The following WDTC1 variants were observed in gnomAD, a reference collection of about 807,000 sequenced individuals.
WDTC1 encodes the protein WD and tetratricopeptide repeats 1, also known as WD and tetratricopeptide repeats protein 1.
Under a neutral mutation model 76.0 loss-of-function variants are expected in WDTC1, and 12 were observed. The observed-to-expected ratio is 0.16, with a 90% CI of 0.10 to 0.26. The LOEUF (loss-of-function observed/expected upper bound fraction) is 0.26. Among genes scored for constraint, WDTC1 ranks in the 10% least tolerant of loss-of-function variants. The pLI is 1.00. For missense variants in WDTC1, 511 were observed against 908.8 expected (o/e 0.56, Z 5.63); for synonymous variants, 326 against 350.8 (o/e 0.93, Z 0.79).
intron 1 of WDTC1, among the ~76,000 whole-genome samples, chr1:27,243,783 T>C (rs1006548884): frequency 2.0e-5 from 3 of 152,072 alleles, no homozygotes; most frequent in Non-Finnish European, 1.5e-5. Context: ...CTGTTCCTCC[T>C]CACCCTGCAG....
intron 1 of WDTC1, among the ~76,000 whole-genome samples, chr1:27,253,347 CTTCT>C (rs1209982463): frequency 1.9e-4 from 28 of 150,682 alleles, no homozygotes; most frequent in Admixed American, 1.7e-3. Context: ...CTTCTTCTTT[CTTCT>C]TTCTTCTTTC....
intron 7 of WDTC1, among the ~76,000 whole-genome samples, chr1:27,293,405 C>G (rs2013592910): frequency 7.0e-6 from 1 of 142,602 alleles, no homozygotes; most frequent in Admixed American, 7.2e-5. Flanking sequence ...GCACTCCAGC[C>G]TGGGTGGCAG....
Position 27,274,602 on chromosome 1 carries a change from C to T in WDTC1, c.133-7637C>T, listed in dbSNP as rs1162979222. On this transcript the variant is annotated intron_variant, in intron 3 of 15. Coordinates refer to ENST00000319394, the MANE Select transcript of WDTC1 (RefSeq NM_001276252.2). The surrounding 1 kb of genome is among the most constrained non-coding windows in gnomAD (Gnocchi z 4.2). ...TTTAAGCCGTTCTAGTATATAAGAC[C>T]CAATCAGTTTTCCACTTTCCTTGGA... Among the ~76,000 whole-genome samples the T allele has an allele frequency of 6.6e-6, 1 of 151,930 alleles. No homozygotes were observed. Among genetic ancestry groups the T allele is most frequent in the East Asian group, 1.9e-4 (1 of 5,190 alleles).
intron 2 of WDTC1, among the ~76,000 whole-genome samples, chr1:27,262,946 G>A (rs2012530499): frequency 1.3e-5 from 2 of 151,162 alleles, no homozygotes; most frequent in Admixed American, 6.6e-5. Context: ...AAAAATGAAC[G>A]GCACAACTTA....
intron 3 of WDTC1, among the ~76,000 whole-genome samples, chr1:27,277,825 G>A (rs999678157): frequency 6.6e-6 from 1 of 151,902 alleles, no homozygotes; most frequent in Non-Finnish European, 1.5e-5. Context: ...TTCCATATGA[G>A]CTTTATTTTA....
chr1:27,305,023 G>A lies in WDTC1; in HGVS notation c.1666G>A (p.Gly556Ser). The A allele has an allele frequency of 6.2e-7, 1 of 1,613,928 alleles. No individual in the cohort carries two copies. The highest frequency in any genetic ancestry group is 8.5e-7 in the Non-Finnish European group (1 of 1,179,912). Residue 556 changes from glycine (G) to serine (S), a missense_variant, in exon 15 of 16, where the codon GGC (glycine) becomes AGC (serine). Gly to Ser is a moderately conservative substitution (Grantham distance 56). Coordinates refer to ENST00000319394, the MANE Select transcript of WDTC1 (RefSeq NM_001276252.2). This position sits in a 1 kb window ranked among gnomAD's most constrained non-coding sequence, Gnocchi z 4.6. Reference sequence around the variant, plus strand: ...CAGCAACGCTCAGTATATCGTCAGTGGCTCTGACGATGGCTCCTTCTTCAT... The same window carrying A: ...CAGCAACGCTCAGTATATCGTCAGTAGCTCTGACGATGGCTCCTTCTTCAT... The part of the protein sequence containing the change: ...FGSNAQYIVS[G>S]SDDGSFFIWE...
intron 3 of WDTC1, among the ~76,000 whole-genome samples, chr1:27,273,416 G>A (rs2012930918): frequency 1.3e-5 from 2 of 151,852 alleles, no homozygotes; most frequent in African/African-American, 4.8e-5. Context: ...CACCATGTTA[G>A]CCAGGATGGT....
intron 1 of WDTC1, among the ~76,000 whole-genome samples, chr1:27,240,141 T>G (rs1307042697): frequency 6.6e-6 from 1 of 152,160 alleles, no homozygotes; most frequent in African/African-American, 2.4e-5. Flanking sequence ...TCCACTCACC[T>G]TGGCCCCCCA....
At chr1:27,271,131 T>G (rs2147945712) in intron 3 of WDTC1, among the ~76,000 whole-genome samples, 1 of 152,300 alleles carries the variant, frequency 6.6e-6, no homozygotes, top group South Asian at 2.1e-4. Flanking sequence ...AATTGGTCAC[T>G]CCAGCGGGTG....
At chr1:27,287,958 G>A in intron 6 of WDTC1, 97 bp downstream of exon 6, 1 of 1,426,938 alleles carries the variant, frequency 7.0e-7, no homozygotes, top group South Asian at 1.4e-5. Flanking sequence ...CTCCAGCAGA[G>A]GTCCAACCTC....
intron 1 of WDTC1, among the ~76,000 whole-genome samples, chr1:27,235,380 T>TTCTC (rs1037239020): frequency 1.4e-5 from 2 of 145,986 alleles, no homozygotes; most frequent in African/African-American, 5.1e-5. Context: ...CTTTCTGTTT[T>TTCTC]TCTCTCTCTC....
At chr1:27,236,413 C>T (rs1479671825) in intron 1 of WDTC1, among the ~76,000 whole-genome samples, 1 of 152,156 alleles carries the variant, frequency 6.6e-6, no homozygotes, top group Admixed American at 6.6e-5. Context: ...GCTCTCCTTT[C>T]CTTTTTTGAC....
At chr1:27,268,406 G>A (rs1454150667) in intron 3 of WDTC1, among the ~76,000 whole-genome samples, 3 of 150,642 alleles carry the variant, frequency 2.0e-5, no homozygotes, top group Non-Finnish European at 3.0e-5. Context: ...GGTTTTGTTT[G>A]TTTGTTTGTT....
chr1:27,244,207 A>T (rs1048822588), intron 1 of WDTC1, among the ~76,000 whole-genome samples: 3 of 152,064 alleles, frequency 2.0e-5, no homozygotes, highest in African/African-American at 7.3e-5. Context: ...AGGTATAGAA[A>T]AGAAAAAAAA....
At chr1:27,247,639 TC>T (rs1330052578) in intron 1 of WDTC1, among the ~76,000 whole-genome samples, 1 of 152,156 alleles carries the variant, frequency 6.6e-6, no homozygotes, top group Non-Finnish European at 1.5e-5. Flanking sequence ...CCATTCATGT[TC>T]CTGCAAAGGA....
At chr1:27,254,055 G>C (rs762724625) in intron 1 of WDTC1, among the ~76,000 whole-genome samples, 1 of 152,012 alleles carries the variant, frequency 6.6e-6, no homozygotes, top group Non-Finnish European at 1.5e-5. Flanking sequence ...TTTCCTTCCC[G>C]ATGTGAACCT....
intron 13 of WDTC1, among the ~76,000 whole-genome samples, chr1:27,302,727 C>A (rs2013863319): frequency 6.6e-6 from 1 of 151,368 alleles, no homozygotes; most frequent in Non-Finnish European, 1.5e-5. Context: ...GGTGACAGAG[C>A]AAAATCCTGT....
At chr1:27,296,440 A>G in intron 10 of WDTC1, 39 bp downstream of exon 10, 1 of 1,609,164 alleles carries the variant, frequency 6.2e-7, no homozygotes, top group South Asian at 1.1e-5. Context: ...GCGGCGGTGT[A>G]GGGGAGCTTA....
In WDTC1 at chr1:27,306,520, C is replaced by T. The variant is rs1278038156; in HGVS notation, c.*137C>T. On this transcript the variant is annotated 3_prime_UTR_variant, in exon 16 of 16. Coordinates refer to ENST00000319394, the MANE Select transcript of WDTC1 (RefSeq NM_001276252.2). The surrounding 1 kb of genome is among the most constrained non-coding windows in gnomAD (Gnocchi z 5.0). Reference sequence around the variant, plus strand: ...TCCCCTGTTTTGTTTGTTAGTTTGGCGTTAGGGGTGGAGGTTGCTACAACT... The same window carrying T: ...TCCCCTGTTTTGTTTGTTAGTTTGGTGTTAGGGGTGGAGGTTGCTACAACT... 7 of 1,134,898 alleles carry T rather than the reference C, an allele frequency of 6.2e-6. No homozygotes were observed. The highest frequency in any genetic ancestry group is 3.2e-5 in the South Asian group (2 of 61,622). The allele number at this position is 1,134,898 out of a possible 1,614,324, so 70.3% of individuals were successfully genotyped here.
Sources: gnomAD v4.1 joint callset for allele counts (sites outside exome capture counted in the v4.1 genomes callset) on GRCh38, gnomAD v4.1.1 for gene constraint, Gnocchi (gnomAD v3.1) non-coding constraint, MANE v1.5 for transcripts, NCBI Gene and HGNC (gene_info 2026-07-23, HGNC 2026-07-21) for gene names.